ZFPM2: variants seen among roughly 807,000 people sequenced by gnomAD.
ZFPM2 encodes zinc finger protein ZFPM2.
In ZFPM2, 20 loss-of-function variants were observed where a neutral mutation model predicts 98.6. The observed-to-expected ratio is 0.20, with a 90% CI of 0.14 to 0.29. The LOEUF is 0.29. Ranked by LOEUF, ZFPM2 falls within the 10% of genes least tolerant of loss-of-function variation. The pLI is 1.00. For synonymous variants in ZFPM2, 518 were observed against 502.7 expected, an observed-to-expected ratio of 1.03 and a Z score of -0.41; for missense variants, 1,310 against 1,388.6, an observed-to-expected ratio of 0.94 and a Z score of 0.90.
intron 5 of ZFPM2, among the ~76,000 whole-genome samples, chr8:105,638,347 A>G (rs1438280393): frequency 6.6e-6 from 1 of 152,060 alleles, no homozygotes; most frequent in Non-Finnish European, 1.5e-5. Context: ...AAATAAAACC[A>G]AGGATATGCT....
rs530386311 is a variant in ZFPM2, at chr8:105,365,316, C to T, written c.40+46335C>T. Among the ~76,000 whole-genome samples, 93 of 152,100 alleles carry T rather than the reference C, an allele frequency of 6.1e-4. 2 individuals carry two copies. The highest frequency in any genetic ancestry group is 6.8e-3 in the Middle Eastern group (2 of 294). On this transcript the variant is annotated intron_variant, in intron 1 of 7. Coordinates refer to ENST00000407775, the MANE Select transcript of ZFPM2 (RefSeq NM_012082.4). Reference sequence around the variant, plus strand: ...AATTTTGGAATGGTGATATAAAAGACGAGGTTTTAGATTTGAGGACTTAAT... The same window carrying T: ...AATTTTGGAATGGTGATATAAAAGATGAGGTTTTAGATTTGAGGACTTAAT...
intron 5 of ZFPM2, among the ~76,000 whole-genome samples, chr8:105,643,040 C>A (rs1816976960): frequency 6.6e-6 from 1 of 152,158 alleles, no homozygotes; most frequent in Non-Finnish European, 1.5e-5. Flanking sequence ...CACTTGAATG[C>A]TCGTTCTGAA....
At chr8:105,580,966 A>AT (rs1815583007) in intron 4 of ZFPM2, among the ~76,000 whole-genome samples, 1 of 151,858 alleles carries the variant, frequency 6.6e-6, no homozygotes, top group Non-Finnish European at 1.5e-5. Flanking sequence ...TGTTATCTCT[A>AT]TTTTATAAAA....
At chr8:105,382,022 A>G (rs1810899134) in intron 1 of ZFPM2, among the ~76,000 whole-genome samples, 1 of 152,148 alleles carries the variant, frequency 6.6e-6, no homozygotes, top group Non-Finnish European at 1.5e-5. Context: ...CTTGCTAAAA[A>G]CAATATATTC....
intron 3 of ZFPM2, 65 bp downstream of exon 3, chr8:105,444,446 T>C (rs528737457): frequency 1.5e-5 from 19 of 1,257,682 alleles, no homozygotes; most frequent in Non-Finnish European, 2.1e-5. Flanking sequence ...TTTTCTTTTT[T>C]TCTTGAACAT....
Position 105,393,337 on chromosome 8 carries a change from C to CTGTCTGTCTTTCTTT in ZFPM2, c.41-25807_41-25806insTGTCTGTCTTTCTTT, listed in dbSNP as rs1554600680. Among the ~76,000 whole-genome samples, 128 of 114,846 alleles carry CTGTCTGTCTTTCTTT rather than the reference C, an allele frequency of 1.1e-3. 1 individual carries two copies. Among genetic ancestry groups the CTGTCTGTCTTTCTTT allele is most frequent in the African/African-American group, 3.9e-3 (123 of 31,376 alleles). The allele number at this position is 114,846 out of a possible 152,430, so 75.3% of individuals were successfully genotyped here. On this transcript the variant is annotated intron_variant, in intron 1 of 7. Transcript: ENST00000407775. The stretch of plus-strand genomic sequence containing the variant: ...TCTTCCTTCCCTCTCTCTCTCTTTG[C>CTGTCTGTCTTTCTTT]CTTTCTTTCTTTCTTTCTTTCTTTC...
intron 1 of ZFPM2, among the ~76,000 whole-genome samples, chr8:105,368,747 C>T (rs1397444266): frequency 6.6e-6 from 1 of 152,028 alleles, no homozygotes; most frequent in Non-Finnish European, 1.5e-5. Context: ...TCCCAGTATC[C>T]ATAAATTTCA....
chr8:105,580,585 C>T (rs148013198), intron 4 of ZFPM2, among the ~76,000 whole-genome samples: 13 of 151,962 alleles, frequency 8.6e-5, no homozygotes, highest in Admixed American at 3.9e-4. Context: ...TACTCTGTTT[C>T]GCTTGACGAT....
intron 5 of ZFPM2, among the ~76,000 whole-genome samples, chr8:105,721,104 T>G (rs193284913): frequency 6.6e-6 from 1 of 151,868 alleles, no homozygotes; most frequent in Non-Finnish European, 1.5e-5. Flanking sequence ...AGGGGACTGG[T>G]TCCAGGACCA....
chr8:105,704,065 G>A (rs78416096), intron 5 of ZFPM2, among the ~76,000 whole-genome samples: 12,027 of 151,886 alleles, frequency 0.079, 661 homozygotes, highest in African/African-American at 0.16. Flanking sequence ...TAAGCCCCTT[G>A]CCCACACAAG....
rs376057335 is a variant in ZFPM2, at chr8:105,489,602, T to C, written c.301+45221T>C. On this transcript the variant is annotated intron_variant, in intron 3 of 7. Coordinates refer to ENST00000407775, the MANE Select transcript of ZFPM2 (RefSeq NM_012082.4). Reference sequence around the variant, plus strand: ...CCTCAGCCTCCCCAGTAGCTGGGATTGCAGGTGCATGCCACCATGCCTGGC... The same window carrying C: ...CCTCAGCCTCCCCAGTAGCTGGGATCGCAGGTGCATGCCACCATGCCTGGC... Among the ~76,000 whole-genome samples the C allele has an allele frequency of 1.4e-4, 21 of 151,208 alleles. No homozygotes were observed. The East Asian group carries it at 2.6e-3, about 18-fold the overall frequency.
chr8:105,357,778 G>A (rs548087043), intron 1 of ZFPM2, among the ~76,000 whole-genome samples: 44 of 152,278 alleles, frequency 2.9e-4, no homozygotes, highest in Non-Finnish European at 5.7e-4. Context: ...GAACACGTTA[G>A]TAAAAGGAAG....
intron 2 of ZFPM2, among the ~76,000 whole-genome samples, chr8:105,443,963 A>C (rs2130213983): frequency 6.6e-6 from 1 of 152,300 alleles, no homozygotes; most frequent in African/African-American, 2.4e-5. Flanking sequence ...CTGTATTGAA[A>C]GTCTTAGAAA....
chr8:105,774,906 G>A (rs1899421), intron 5 of ZFPM2, among the ~76,000 whole-genome samples: 24,605 of 151,680 alleles, frequency 0.16, 3,685 homozygotes, highest in African/African-American at 0.4. Context: ...AGGGGGACGC[G>A]AAGATGGAAG....
chr8:105,456,873 C>T (rs979992134), intron 3 of ZFPM2, among the ~76,000 whole-genome samples: 5 of 152,042 alleles, frequency 3.3e-5, no homozygotes, highest in Non-Finnish European at 7.4e-5. Flanking sequence ...CGGGTTTCAC[C>T]GTGTTAGCCA....
chr8:105,387,740 G>T (rs1173216942), intron 1 of ZFPM2: 1 of 153,882 alleles, frequency 6.5e-6, no homozygotes, highest in African/African-American at 2.4e-5. Flanking sequence ...GGGCTCCACC[G>T]TGCAGCGGCG....
At chr8:105,796,810 GTT>G (rs1430376524) in intron 6 of ZFPM2, 1 of 152,140 alleles carries the variant, frequency 6.6e-6, no homozygotes, top group Non-Finnish European at 1.5e-5. Flanking sequence ...ATGTGCCACT[GTT>G]TGCCTGGCTT....
intron 3 of ZFPM2, among the ~76,000 whole-genome samples, chr8:105,445,070 G>T (rs773300438): frequency 6.6e-6 from 1 of 152,156 alleles, no homozygotes; most frequent in Non-Finnish European, 1.5e-5. Flanking sequence ...CAAGGTTTAA[G>T]AATATAAGTG....
At chr8:105,508,426 T>A (rs1376526614) in intron 3 of ZFPM2, among the ~76,000 whole-genome samples, 2 of 152,186 alleles carry the variant, frequency 1.3e-5, no homozygotes, top group Non-Finnish European at 2.9e-5. Flanking sequence ...GTGGGATTTT[T>A]TTTTTAGGGG....
Sources: gnomAD v4.1 joint callset for allele counts (sites outside exome capture counted in the v4.1 genomes callset) on GRCh38, gnomAD v4.1.1 for gene constraint, MANE v1.5 for transcripts, NCBI Gene and HGNC (gene_info 2026-07-23, HGNC 2026-07-21) for gene names.